Variants in PDE1A observed in about 807,000 individuals in gnomAD.
PDE1A encodes phosphodiesterase 1A.
PDE1A carries 35 observed loss-of-function variants against 61.7 expected under a neutral mutation model. That is an observed-to-expected ratio of 0.57 (90% CI 0.43 to 0.75). The LOEUF (loss-of-function observed/expected upper bound fraction) is 0.75, where lower values mean the gene tolerates loss of function less well. Ranked by LOEUF, PDE1A falls within the 30% of genes least tolerant of loss-of-function variation. PDE1A has a pLI of 0.00. For synonymous variants in PDE1A, 232 were observed against 213.2 expected, an observed-to-expected ratio of 1.09 and a Z score of -0.77; for missense variants, 597 against 630.6, an observed-to-expected ratio of 0.95 and a Z score of 0.57.
chr2:182,326,642 T>C (rs1697065850), intron 1 of PDE1A, among the ~76,000 whole-genome samples: 2 of 152,190 alleles, frequency 1.3e-5, no homozygotes, highest in African/African-American at 4.8e-5. Context: ...GGGGTGATGG[T>C]TGTACAACAC....
intron 1 of PDE1A, among the ~76,000 whole-genome samples, chr2:182,414,981 C>T (rs1489485152): frequency 6.6e-6 from 1 of 152,064 alleles, no homozygotes; most frequent in East Asian, 1.9e-4. Context: ...GCTCCTTAGA[C>T]TGGAGTCGGA....
At chr2:182,420,120 T>C (rs1324018774) in intron 1 of PDE1A, among the ~76,000 whole-genome samples, 5 of 152,076 alleles carry the variant, frequency 3.3e-5, no homozygotes, top group East Asian at 3.8e-4. Context: ...CACTGTGCTG[T>C]TAGAAATAAT....
chr2:182,715,964 C>T, the PDE1A span: 1 of 152,398 alleles, frequency 6.6e-6, no homozygotes, highest in African/African-American at 2.4e-5. Flanking sequence ...CTCTGGGTTT[C>T]CCCGTCACCC....
At chr2:182,197,493 A>C (rs992296361) in intron 10 of PDE1A, among the ~76,000 whole-genome samples, 1 of 148,718 alleles carries the variant, frequency 6.7e-6, no homozygotes, top group African/African-American at 2.5e-5. Context: ...GATTAGAGAG[A>C]TCTTCTCTTG....
At chr2:182,234,497 T>G (rs150591070) in exon 4 of PDE1A, 1 of 1,589,896 alleles carries the variant, frequency 6.3e-7, no homozygotes, top group African/African-American at 1.3e-5. Flanking sequence ...TTTCGGTACA[T>G]TCTAAAAAAG....
the PDE1A span, among the ~76,000 whole-genome samples, chr2:182,564,167 T>A: frequency 6.6e-6 from 1 of 152,244 alleles, no homozygotes. Flanking sequence ...CTTTACAATT[T>A]GGCATGATTT....
intron 1 of PDE1A, among the ~76,000 whole-genome samples, chr2:182,417,856 T>C (rs76420445): frequency 0.023 from 3,524 of 152,248 alleles, 63 homozygotes; most frequent in South Asian, 0.048. Context: ...TTGTGTTTTG[T>C]TTTTGTTTTT....
chr2:182,634,238 A>G, the PDE1A span, among the ~76,000 whole-genome samples: 9 of 151,978 alleles, frequency 5.9e-5, no homozygotes, highest in African/African-American at 2.2e-4. Flanking sequence ...AAATGTACAA[A>G]TGTACATTTA....
the PDE1A span, among the ~76,000 whole-genome samples, chr2:182,538,019 C>T: frequency 1.3e-5 from 2 of 152,150 alleles, no homozygotes; most frequent in African/African-American, 2.4e-5. Context: ...TTCCCCTGCA[C>T]TCTCTTTCCC....
chr2:182,571,130 T>C, the PDE1A span, among the ~76,000 whole-genome samples: 1 of 152,176 alleles, frequency 6.6e-6, no homozygotes, highest in Admixed American at 6.5e-5. Context: ...TTTTAATGGG[T>C]GCCAACAATT....
intron 2 of PDE1A, among the ~76,000 whole-genome samples, chr2:182,512,354 CT>C (rs1378963725): frequency 1.3e-5 from 2 of 152,102 alleles, no homozygotes; most frequent in Non-Finnish European, 2.9e-5. Flanking sequence ...ACTTGGCCCC[CT>C]GAAATAATCC....
chr2:182,614,429 ATTCT>A, the PDE1A span, among the ~76,000 whole-genome samples: 2 of 152,102 alleles, frequency 1.3e-5, no homozygotes, highest in East Asian at 1.9e-4. Context: ...ATAAATTTTA[ATTCT>A]TTATTTTTTC....
chr2:182,157,972 G>A (rs1691187005), intron 13 of PDE1A, among the ~76,000 whole-genome samples: 1 of 152,152 alleles, frequency 6.6e-6, no homozygotes, highest in African/African-American at 2.4e-5. Context: ...GCTTTAACCT[G>A]GGGTGAGAAA....
chr2:182,147,021 A>T, downstream of PDE1A: 1 of 1,121,020 alleles, frequency 8.9e-7, no homozygotes, highest in East Asian at 2.4e-5. Flanking sequence ...TTTCTGGTCT[A>T]TAAAATAAAA....
chr2:182,242,543 G>A (rs10930997), intron 2 of PDE1A, among the ~76,000 whole-genome samples: 29,638 of 152,134 alleles, frequency 0.19, 3,042 homozygotes, highest in East Asian at 0.33. Context: ...GTGGCCAGTC[G>A]TTTGGTCAAA....
At chr2:182,420,287 A>T (rs966019989) in intron 1 of PDE1A, among the ~76,000 whole-genome samples, 3 of 152,124 alleles carry the variant, frequency 2.0e-5, no homozygotes, top group Admixed American at 1.3e-4. Flanking sequence ...GATCTCTAAC[A>T]AACAGGTGGG....
chr2:182,417,974 A>G (rs1188592094), intron 1 of PDE1A, among the ~76,000 whole-genome samples: 1 of 152,210 alleles, frequency 6.6e-6, no homozygotes, highest in African/African-American at 2.4e-5. Context: ...TTTACCTATT[A>G]TAGTGGTGTT....
chr2:182,299,398 C>T (rs752986752), intron 1 of PDE1A, among the ~76,000 whole-genome samples: 9 of 149,110 alleles, frequency 6.0e-5, no homozygotes, highest in South Asian at 4.4e-4. Context: ...TAGGAAAGAC[C>T]GAGTACAAGT....
the PDE1A span, among the ~76,000 whole-genome samples, chr2:182,700,520 G>A: frequency 3.3e-5 from 5 of 151,658 alleles, no homozygotes; most frequent in South Asian, 2.1e-4. Context: ...TCAGGAGATC[G>A]AGACCATCCT....
Sources: allele counts gnomAD v4.1 joint callset (sites outside exome capture counted in the v4.1 genomes callset), GRCh38; gene constraint gnomAD v4.1.1; transcripts MANE v1.5; gene names NCBI Gene and HGNC (gene_info 2026-07-23, HGNC 2026-07-21).